The following CTDP1 variants were observed in gnomAD, a reference collection of about 807,000 sequenced individuals.
The protein encoded by CTDP1 is RNA polymerase II subunit A C-terminal domain phosphatase.
A neutral mutation model predicts 91.8 loss-of-function variants in CTDP1; 47 were observed. That is an observed-to-expected ratio of 0.51 (90% confidence interval 0.41 to 0.65). The LOEUF (loss-of-function observed/expected upper bound fraction) is 0.65. Among genes scored for constraint, CTDP1 ranks in the 30% least tolerant of loss-of-function variants. CTDP1 has a pLI of 0.00. For synonymous variants in CTDP1, 656 were observed against 598.5 expected (o/e 1.10, Z -1.40); for missense variants, 1,272 against 1,373.7 (o/e 0.93, Z 1.17).
Position 79,714,978 on chromosome 18 carries a change from G to C in CTDP1, c.1518G>C (p.Gly506=). The change falls in exon 8 of 13, where the codon GGG becomes GGC. Residue 506 remains glycine (G), a synonymous_variant. Coordinates refer to ENST00000613122, the MANE Select transcript of CTDP1 (RefSeq NM_004715.5). The part of the protein sequence containing the change: ...ALAQGSSLEP[G]RPAAPSLPGE... ...CACAGGGCAGTTCCCTGGAGCCGGGGCGGCCTGCAGCACCGAGTCTCCCCG... is the reference window on the plus strand; with the variant it reads ...CACAGGGCAGTTCCCTGGAGCCGGGCCGGCCTGCAGCACCGAGTCTCCCCG... 6.4e-7 allele frequency: 1 copy of C among 1,571,738 alleles called. No homozygotes were observed. The highest frequency in any genetic ancestry group is 8.6e-7 in the Non-Finnish European group (1 of 1,159,390).
chr18:79,725,844 C>T (rs956309429), intron 10 of CTDP1, among the ~76,000 whole-genome samples: 2 of 152,118 alleles, frequency 1.3e-5, no homozygotes, highest in Admixed American at 6.5e-5. Flanking sequence ...GAAAAACATC[C>T]GGCTTCCTTC....
Position 79,736,350 on chromosome 18 carries a change from G to A in CTDP1, c.2581-5G>A, listed in dbSNP as rs199505565. 6.5e-7 allele frequency: 1 copy of A among 1,549,158 alleles called. No homozygotes were observed. The highest frequency in any genetic ancestry group is 8.7e-7 in the Non-Finnish European group (1 of 1,146,986). On this transcript the variant is annotated splice_polypyrimidine_tract_variant and splice_region_variant and intron_variant, in intron 11 of 12. Coordinates refer to ENST00000613122, the MANE Select transcript of CTDP1 (RefSeq NM_004715.5). The stretch of plus-strand genomic sequence containing the variant: ...GTCTGTCGCTGACTCTTGGCTGTTT[G>A]TCAGGTGGACGACATCCTTGGAGAA...
At chr18:79,716,711 C>T (rs2034388927) in intron 8 of CTDP1, among the ~76,000 whole-genome samples, 2 of 152,242 alleles carry the variant, frequency 1.3e-5, no homozygotes, top group African/African-American at 4.8e-5. Context: ...CTGCCCTGTC[C>T]TGTGAGTGCC....
In CTDP1 at chr18:79,714,829, G is replaced by A. The variant is rs146328456; in HGVS notation, c.1369G>A (p.Asp457Asn). 43 of 1,600,260 alleles carry A rather than the reference G, an allele frequency of 2.7e-5. No individual in the cohort carries two copies. In the Admixed American group the frequency reaches 3.1e-4, roughly 12 times the overall value. The change falls in exon 8 of 13, where the codon GAC becomes AAC. Residue 457 changes from aspartate (D) to asparagine (N), a missense_variant. Physicochemically the swap from Asp to Asn is conservative, Grantham distance 23. Around this residue, in one of 3 missense-constraint regions of CTDP1, gnomAD observed 881 missense variants for 911.6 expected, o/e 0.97. Coordinates refer to ENST00000613122, the MANE Select transcript of CTDP1 (RefSeq NM_004715.5). Reference sequence around the variant, plus strand: ...TGACCTGGACTTTGACTTATCCAGCGACAGCGAGAGCAGCAGTGAGTCCGA... The same window carrying A: ...TGACCTGGACTTTGACTTATCCAGCAACAGCGAGAGCAGCAGTGAGTCCGA... ...GTDLDFDLSS[D>N]SESSSESEGT...
intron 3 of CTDP1, 129 bp from the exon 4 acceptor site, chr18:79,697,731 G>T (rs115099447): frequency 7.2e-7 from 1 of 1,381,872 alleles, no homozygotes; most frequent in African/African-American, 1.4e-5. Flanking sequence ...CCTGTACGGC[G>T]CAGTCCATGG....
intron 5 of CTDP1, among the ~76,000 whole-genome samples, chr18:79,709,989 A>G (rs1423626294): frequency 6.6e-6 from 1 of 152,250 alleles, no homozygotes; most frequent in Non-Finnish European, 1.5e-5. Flanking sequence ...GAAGAACCAC[A>G]TGCAGAGTGT....
At chr18:79,739,833 G>A (rs1440846749) in intron 12 of CTDP1, among the ~76,000 whole-genome samples, 11 of 120,532 alleles carry the variant, frequency 9.1e-5, no homozygotes, top group African/African-American at 3.5e-4. Context: ...CATACCCACG[G>A]CCGGGACGGG....
chr18:79,703,293 G>A (rs1464173192), intron 4 of CTDP1, among the ~76,000 whole-genome samples: 1 of 152,152 alleles, frequency 6.6e-6, no homozygotes, highest in African/African-American at 2.4e-5. Flanking sequence ...AACTAACTTA[G>A]AACTAGAAAA....
At chr18:79,732,452 T>C (rs2086585534) in intron 11 of CTDP1, among the ~76,000 whole-genome samples, 1 of 82,972 alleles carries the variant, frequency 1.2e-5, no homozygotes, top group Admixed American at 1.3e-4. Flanking sequence ...AGAACTCACA[T>C]CAGGAGTGCT....
At position 79,680,179 on chromosome 18, in the gene CTDP1, C is replaced by A; in HGVS notation, c.232C>A (p.Arg78=). ...VASGGCVRPA[R]PERRLRSERA... ...CTCCGGGGGCTGCGTGCGCCCCGCG[C>A]GGCCGGAACGCAGGCTGAGGTCGGA... Residue 78 remains arginine, a synonymous_variant, in exon 1 of 13, where the codon CGG becomes AGG. Coordinates refer to ENST00000613122, the MANE Select transcript of CTDP1 (RefSeq NM_004715.5). 2 of 1,381,940 alleles carry A rather than the reference C, an allele frequency of 1.4e-6. No homozygotes were observed. The highest frequency in any genetic ancestry group is 1.6e-5 in the South Asian group (1 of 61,650). The allele number at this position is 1,381,940 out of a possible 1,614,324, so 85.6% of individuals were successfully genotyped here.
In CTDP1 at chr18:79,713,026, T is replaced by C. The variant is rs777904733; in HGVS notation, c.918T>C (p.Asp306=). ...SMVCIIDDRE[D]VWKFAPNLIT... ...TTTGCATTATTGATGATCGAGAAGATGTCTGGAAGTTTGCCCCCAATCTGA... is the reference window on the plus strand; with the variant it reads ...TTTGCATTATTGATGATCGAGAAGACGTCTGGAAGTTTGCCCCCAATCTGA... Residue 306 remains aspartate, a synonymous_variant, in exon 7 of 13, where the codon GAT becomes GAC. Transcript: ENST00000613122. This position sits in a 1 kb window ranked among gnomAD's most constrained non-coding sequence, Gnocchi z 4.7. 12 of 1,614,084 alleles carry C rather than the reference T, an allele frequency of 7.4e-6. No homozygotes were observed. The South Asian group carries it at 1.3e-4, about 18-fold the overall frequency.
intron 1 of CTDP1, 105 bp downstream of exon 1, chr18:79,680,366 G>A: frequency 1.1e-6 from 1 of 937,360 alleles, no homozygotes. Flanking sequence ...CGCCCCTGGT[G>A]AGGGAGCGAT....
intron 10 of CTDP1, among the ~76,000 whole-genome samples, chr18:79,721,909 C>T (rs925284571): frequency 2.6e-5 from 4 of 151,896 alleles, no homozygotes; most frequent in Admixed American, 2.0e-4. Context: ...CTGCAACCTC[C>T]GCCTCCCAGG....
intron 12 of CTDP1, among the ~76,000 whole-genome samples, chr18:79,742,431 C>A (rs529344752): frequency 9.8e-5 from 15 of 152,306 alleles, no homozygotes; most frequent in South Asian, 8.3e-4. Flanking sequence ...AACAACCTTT[C>A]AAAAACAAAG....
rs1332413710 is a variant in CTDP1 at position 79,697,872 on chromosome 18, C to T, written c.505C>T (p.Leu169=). 25 of 1,614,094 alleles carry T rather than the reference C, an allele frequency of 1.5e-5. No individual in the cohort carries two copies. In the East Asian group the frequency reaches 3.6e-4, roughly 23 times the overall value. The change falls in exon 4 of 13, where the codon CTG becomes TTG. Residue 169 remains leucine, a synonymous_variant. Transcript: ENST00000613122. ...LMVSSEQAEQ[L]GREDQQRLHR... ...TTTTTAATTGTAGCAAGCTGAACAG[C>T]TGGGAAGAGAAGACCAGCAGCGACT...
chr18:79,727,104 T>TGCC (rs1198696068), intron 10 of CTDP1, among the ~76,000 whole-genome samples: 2 of 152,148 alleles, frequency 1.3e-5, no homozygotes. Context: ...GCCTCATTGC[T>TGCC]GCCGGTGGGG....
intron 4 of CTDP1, among the ~76,000 whole-genome samples, chr18:79,699,566 G>GT (rs1177510983): frequency 3.5e-4 from 52 of 148,150 alleles, no homozygotes; most frequent in Non-Finnish European, 4.7e-4. Context: ...CCCGCCCAAG[G>GT]TTTTTTTTTT....
At position 79,739,545 on chromosome 18, in the gene CTDP1, C is replaced by G. The variant is rs145396190; in HGVS notation, c.2747+3024C>G. ...CCACACGAGCATGATTAGAAAACCC[C>G]TCGGCTCTGGCGCGGCTTCCATGCT... On this transcript the variant is annotated intron_variant, in intron 12 of 12. Coordinates refer to ENST00000613122, the MANE Select transcript of CTDP1 (RefSeq NM_004715.5). Among the ~76,000 whole-genome samples, 7 of 152,322 alleles carry G rather than the reference C, an allele frequency of 4.6e-5. No homozygotes were observed. The East Asian group carries it at 1.3e-3, about 29-fold the overall frequency.
At chr18:79,741,030 G>A (rs940412224) in intron 12 of CTDP1, among the ~76,000 whole-genome samples, 7 of 151,888 alleles carry the variant, frequency 4.6e-5, no homozygotes, top group African/African-American at 7.2e-5. Context: ...TCCCCCGTGC[G>A]GTTGATCTGT....
Sources: gnomAD v4.1 joint callset for allele counts (sites outside exome capture counted in the v4.1 genomes callset) on GRCh38, gnomAD v4.1.1 for gene constraint, gnomAD v4.1.1 regional missense constraint, Gnocchi (gnomAD v3.1) non-coding constraint, MANE v1.5 for transcripts, NCBI Gene and HGNC (gene_info 2026-07-23, HGNC 2026-07-21) for gene names.